Variants in POF1B observed in about 807,000 individuals in gnomAD.
The protein encoded by POF1B is POF1B actin binding protein, also known as protein POF1B.
Under a neutral mutation model 55.3 loss-of-function variants are expected in POF1B, and 53 were observed. The ratio of observed to expected loss-of-function variants is 0.96; its 90% CI spans 0.77 to 1.20. POF1B has a LOEUF of 1.20. POF1B is among the 50% of genes most tolerant of loss of function. The pLI is 0.00. For synonymous variants in POF1B, 188 were observed against 148.3 expected (o/e 1.27, Z -1.95); for missense variants, 478 against 420.5 (o/e 1.14, Z -1.20).
chrX:85,322,467 A>G (rs1487451052), intron 7 of POF1B, among the ~76,000 whole-genome samples: 3 of 111,791 alleles, frequency 2.7e-5, no homozygotes, highest in African/African-American at 6.5e-5. Context: ...AGACTTAAAC[A>G]TTAGACCTAA....
chrX:85,379,641 G>GAGC lies in POF1B; in HGVS notation c.-47_-45dup, dbSNP rs1426265641. ...TGCCGGGAAGAGAAGAAAGCTACCT[G>GAGC]AGCAGCAGCAAGAGCAGGTCTGGCA... is the stretch of plus-strand genomic sequence containing the variant. On this transcript the variant is annotated 5_prime_UTR_variant, in exon 1 of 17. Coordinates refer to ENST00000262753, the MANE Select transcript of POF1B (RefSeq NM_024921.4). 2.1e-5 allele frequency: 10 copies of GAGC among 465,951 alleles called. No individual in the cohort carries two copies. The highest frequency in any genetic ancestry group is 3.6e-5 in the Non-Finnish European group (10 of 279,914). 38.4% of individuals were successfully genotyped at this position (465,951 alleles called of 1,213,427 possible). A position where few individuals can be genotyped will look rare whatever the true frequency, so the allele number is the denominator to read the frequency against.
In POF1B at chrX:85,282,306, T is replaced by C; in HGVS notation, c.1661A>G (p.Gln554Arg). The change falls in exon 16 of 17, where the codon CAA becomes CGA. Residue 554 changes from glutamine to arginine, a missense_variant. Physicochemically the swap from Gln to Arg is conservative, Grantham distance 43 (BLOSUM62 1). Coordinates refer to ENST00000262753, the MANE Select transcript of POF1B (RefSeq NM_024921.4). ...TTITTKKYRT[Q>R]YPILGLLYDD... Reference sequence around the variant, plus strand: ...ATATAGGAGGCCTAGGATTGGATATTGTGTCCTGTACCTGTTGGCAAGAAA... The same window carrying C: ...ATATAGGAGGCCTAGGATTGGATATCGTGTCCTGTACCTGTTGGCAAGAAA... The C allele has an allele frequency of 8.6e-7, 1 of 1,158,090 alleles. No individual in the cohort carries two copies. Among genetic ancestry groups the C allele is most frequent in the Non-Finnish European group, 1.2e-6 (1 of 864,090 alleles).
intron 3 of POF1B, among the ~76,000 whole-genome samples, chrX:85,362,752 G>A (rs1933646555): frequency 9.0e-6 from 1 of 111,209 alleles, no homozygotes; most frequent in Non-Finnish European, 1.9e-5. Context: ...GGATGATGCT[G>A]GCCTCATAAA....
intron 7 of POF1B, among the ~76,000 whole-genome samples, chrX:85,318,280 T>G (rs188855034): frequency 8.9e-6 from 1 of 112,084 alleles, no homozygotes; most frequent in East Asian, 2.8e-4. Context: ...ATGTATAGTT[T>G]GCAAATATTT....
intron 6 of POF1B, among the ~76,000 whole-genome samples, chrX:85,341,268 G>A (rs892684720): frequency 9.0e-6 from 1 of 110,759 alleles, no homozygotes; most frequent in Non-Finnish European, 1.9e-5. Context: ...ATCACAAGAC[G>A]AAGCTAACAA....
intron 4 of POF1B, among the ~76,000 whole-genome samples, chrX:85,355,189 C>G (rs1317194466): frequency 5.4e-5 from 6 of 111,386 alleles, no homozygotes; most frequent in Non-Finnish European, 1.1e-4. Context: ...ACAAACCTGA[C>G]AAAAACAAGC....
chrX:85,285,161 G>T (rs1023426609), intron 15 of POF1B, among the ~76,000 whole-genome samples: 1 of 111,431 alleles, frequency 9.0e-6, no homozygotes, highest in African/African-American at 3.3e-5. Flanking sequence ...ACAGGTGCTG[G>T]AGAGGATGTG....
intron 7 of POF1B, among the ~76,000 whole-genome samples, chrX:85,328,750 C>G (rs762634710): frequency 9.1e-6 from 1 of 109,294 alleles, no homozygotes; most frequent in Admixed American, 9.9e-5. Flanking sequence ...CCACTTGTAA[C>G]TACATGTCTT....
At chrX:85,323,171 A>C (rs912545129) in intron 7 of POF1B, among the ~76,000 whole-genome samples, 5 of 111,647 alleles carry the variant, frequency 4.5e-5, no homozygotes, top group African/African-American at 1.6e-4. Flanking sequence ...CACTATTCAC[A>C]ATAGCAAAGG....
intron 5 of POF1B, among the ~76,000 whole-genome samples, chrX:85,346,632 C>T (rs1416833336): frequency 9.1e-6 from 1 of 110,045 alleles, no homozygotes; most frequent in Non-Finnish European, 1.9e-5. Flanking sequence ...TCTTGAGAAA[C>T]TGTATATGCA....
chrX:85,376,620 A>T (rs913703808), intron 2 of POF1B, among the ~76,000 whole-genome samples: 1 of 111,689 alleles, frequency 9.0e-6, no homozygotes, highest in East Asian at 2.8e-4. Flanking sequence ...ATATATGTTT[A>T]ATTAAAGAAA....
At chrX:85,366,377 A>G (rs886553296) in intron 3 of POF1B, among the ~76,000 whole-genome samples, 53 of 111,614 alleles carry the variant, frequency 4.7e-4, no homozygotes, top group Non-Finnish European at 6.2e-4. Context: ...ATTTGAATGG[A>G]AGAAAACACA....
At chrX:85,292,157 T>G (rs1351638546) in intron 15 of POF1B, among the ~76,000 whole-genome samples, 1 of 111,813 alleles carries the variant, frequency 8.9e-6, no homozygotes, top group Non-Finnish European at 1.9e-5. Flanking sequence ...GGGTGTTGAA[T>G]TTTATAGAAA....
At chrX:85,333,895 T>G (rs1287021233) in intron 6 of POF1B, among the ~76,000 whole-genome samples, 1 of 101,380 alleles carries the variant, frequency 9.9e-6, no homozygotes, top group African/African-American at 3.6e-5. Context: ...AAGAAAATCA[T>G]AAGATAAGGA....
At chrX:85,304,302 G>A in intron 14 of POF1B, 41 bp downstream of exon 14, 2 of 1,106,745 alleles carry the variant, frequency 1.8e-6, no homozygotes, top group South Asian at 5.0e-5. Flanking sequence ...ACAGTACTAA[G>A]TTGTATTACT....
chrX:85,290,414 A>G (rs1392492902), intron 15 of POF1B, among the ~76,000 whole-genome samples: 1 of 111,495 alleles, frequency 9.0e-6, no homozygotes, highest in Non-Finnish European at 1.9e-5. Flanking sequence ...GCTGCAATGA[A>G]CATGCAGGTG....
intron 7 of POF1B, among the ~76,000 whole-genome samples, chrX:85,327,077 C>A (rs1295696368): frequency 2.7e-5 from 3 of 110,866 alleles, no homozygotes; most frequent in Non-Finnish European, 5.7e-5. Flanking sequence ...CACCAACCCT[C>A]TGGGCTCCGC....
intron 6 of POF1B, among the ~76,000 whole-genome samples, chrX:85,338,827 C>T (rs1333479922): frequency 9.0e-6 from 1 of 111,120 alleles, no homozygotes. Flanking sequence ...AAATAAAGCA[C>T]TGGATATATC....
intron 5 of POF1B, among the ~76,000 whole-genome samples, chrX:85,346,453 G>A (rs774452276): frequency 9.1e-5 from 10 of 110,068 alleles, no homozygotes; most frequent in Admixed American, 2.9e-4. Flanking sequence ...AAATAATATA[G>A]TGATTTTCAA....
Sources: allele counts gnomAD v4.1 joint callset (sites outside exome capture counted in the v4.1 genomes callset), GRCh38; gene constraint gnomAD v4.1.1; transcripts MANE v1.5; gene names NCBI Gene and HGNC (gene_info 2026-07-23, HGNC 2026-07-21).